CCDC120: variants seen among roughly 807,000 people sequenced by gnomAD.
The protein encoded by CCDC120 is coiled-coil domain containing 120, also known as coiled-coil domain-containing protein 120.
Under a neutral mutation model 37.6 loss-of-function variants are expected in CCDC120, and 16 were observed. The ratio of observed to expected loss-of-function variants is 0.43; its 90% CI spans 0.29 to 0.65. CCDC120 has a LOEUF of 0.65. Among genes scored for constraint, CCDC120 ranks in the 30% least tolerant of loss-of-function variants. The pLI, the probability that CCDC120 is intolerant of heterozygous loss-of-function variation, is 0.18. For synonymous variants in CCDC120, 309 were observed against 275.4 expected (o/e 1.12, Z -1.21); for missense variants, 650 against 657.4 (o/e 0.99, Z 0.12).
In CCDC120 at chrX:49,062,556, G is replaced by A; in HGVS notation, c.243G>A (p.Leu81=). The change falls in exon 4 of 11, where the codon CTG becomes CTA. Residue 81 remains leucine, a synonymous_variant. Coordinates refer to ENST00000603986, the MANE Select transcript of CCDC120 (RefSeq NM_001163321.4). ...GGCAGCGGACCCTGCAGGAGGCCCT[G>A]AGCCTGAAACTTCAGGAGCTCCGCA... The part of the protein sequence containing the change: ...LDRQRTLQEA[L]SLKLQELRKV... 8.3e-7 allele frequency: 1 copy of A among 1,210,900 alleles called. No homozygotes were observed. The highest frequency in any genetic ancestry group is 1.1e-6 in the Non-Finnish European group (1 of 895,227).
At chrX:49,056,222 A>G (rs1299014786), upstream of CCDC120, among the ~76,000 whole-genome samples, 1 of 111,633 alleles carries the variant, frequency 9.0e-6, no homozygotes, top group Non-Finnish European at 1.9e-5. Context: ...GAGAGGTTGG[A>G]TCATGAGGGA....
intron 6 of CCDC120, 148 bp from the exon 7 acceptor site, chrX:49,064,888 C>A: frequency 1.4e-6 from 1 of 698,657 alleles, no homozygotes; most frequent in Non-Finnish European, 2.1e-6. Context: ...GTCTTGGGCT[C>A]TGGTAAAAGC....
In CCDC120 at chrX:49,062,021, C is replaced by T; in HGVS notation, c.-21C>T. 8.7e-7 allele frequency: 1 copy of T among 1,155,963 alleles called. No homozygotes were observed. The highest frequency in any genetic ancestry group is 1.1e-6 in the Non-Finnish European group (1 of 872,646). On this transcript the variant is annotated 5_prime_UTR_variant, in exon 2 of 11. Coordinates refer to ENST00000603986, the MANE Select transcript of CCDC120 (RefSeq NM_001163321.4). Reference sequence around the variant, plus strand: ...GGCGTTGTAAGTCCGCCCAGCTCCCCACTTGCTGTGCTCTCACTCAATGCG... The same window carrying T: ...GGCGTTGTAAGTCCGCCCAGCTCCCTACTTGCTGTGCTCTCACTCAATGCG...
chrX:49,055,877 G>A (rs1264239371), upstream of CCDC120, among the ~76,000 whole-genome samples: 2 of 112,117 alleles, frequency 1.8e-5, no homozygotes, highest in Non-Finnish European at 3.8e-5. Context: ...TTCAGACAGT[G>A]AAACCTACCA....
intron 9 of CCDC120, chrX:49,066,795 G>A (rs2064958248): frequency 1.5e-5 from 2 of 133,303 alleles, no homozygotes; most frequent in South Asian, 8.0e-4. Flanking sequence ...TAAGGCCTAG[G>A]ACTTAATCCT....
chrX:49,057,892 GA>G (rs1557078648), upstream of CCDC120, among the ~76,000 whole-genome samples: 4 of 111,484 alleles, frequency 3.6e-5, no homozygotes, highest in African/African-American at 1.3e-4. Flanking sequence ...TGGGCGGGGT[GA>G]GGGGAGGCAG....
chrX:49,067,602 C>A lies in CCDC120; in HGVS notation c.1488C>A (p.Gly496=). ...TGCCCCGCAGTGGCGGTGGAACAGG[C>A]TGGGGGGAGCTGCCGCCTGCAGCTG... The part of the protein sequence containing the change: ...RGLPRSGGGT[G]WGELPPAAEV... The change falls in exon 10 of 11, where the codon GGC becomes GGA. Residue 496 remains glycine, a synonymous_variant. Coordinates refer to ENST00000603986, the MANE Select transcript of CCDC120 (RefSeq NM_001163321.4). The A allele has an allele frequency of 8.4e-7, 1 of 1,183,726 alleles. No homozygotes were observed. Among genetic ancestry groups the A allele is most frequent in the African/African-American group, 1.7e-5 (1 of 57,455 alleles).
Position 49,065,086 on chromosome X carries a change from A to C in CCDC120, c.775A>C (p.Ser259Arg). 1.7e-6 allele frequency: 2 copies of C among 1,211,406 alleles called. No homozygotes were observed. Among genetic ancestry groups the C allele is most frequent in the Non-Finnish European group, 2.2e-6 (2 of 895,191 alleles). The change falls in exon 7 of 11, where the codon AGC becomes CGC. Residue 259 changes from serine (S) to arginine (R), a missense_variant. This residue lies in a region of CCDC120 where 576 missense variants were observed against 565.3 expected (regional missense o/e 1.02). Transcript: ENST00000603986. ...CAGCTCCCTCTCAGAGTCTGGGGCC[A>C]GCCATGACAACGGTGAGGACTCCTA... ...ESSSLSESGASHDNEEPHGCF... is the reference protein window; with the variant it reads ...ESSSLSESGARHDNEEPHGCF...
At chrX:49,057,039 C>A (rs1264299702), upstream of CCDC120, among the ~76,000 whole-genome samples, 1 of 112,044 alleles carries the variant, frequency 8.9e-6, no homozygotes, top group Non-Finnish European at 1.9e-5. Context: ...ATCCCAGACT[C>A]ACCATTTACT....
Position 49,065,599 on chromosome X carries a change from C to T in CCDC120, c.933C>T (p.Ser311=), listed in dbSNP as rs782189013. The T allele has an allele frequency of 5.5e-5, 67 of 1,207,798 alleles. No individual in the cohort carries two copies. The highest frequency in any genetic ancestry group is 6.7e-5 in the Non-Finnish European group (60 of 894,361). Residue 311 remains serine, a synonymous_variant, in exon 8 of 11, where the codon AGC becomes AGT. Transcript: ENST00000603986. ...CAGATCTTTATGGGGATCTGAAGAGCCGGCGGAACTCTGTGGCCAGCCCCA... is the reference window on the plus strand; with the variant it reads ...CAGATCTTTATGGGGATCTGAAGAGTCGGCGGAACTCTGTGGCCAGCCCCA... The part of the protein sequence containing the change: ...PPSDLYGDLK[S]RRNSVASPTS...
At chrX:49,061,868 A>G (rs1166888861) in intron 1 of CCDC120, 91 bp from the exon 2 acceptor site, 15 of 901,946 alleles carry the variant, frequency 1.7e-5, no homozygotes, top group Non-Finnish European at 2.1e-5. Context: ...GTGTGGCATC[A>G]TAGGTAACTG....
chrX:49,056,465 A>G (rs1602508955), upstream of CCDC120, among the ~76,000 whole-genome samples: 1 of 108,916 alleles, frequency 9.2e-6, no homozygotes. Flanking sequence ...CGTCTCTACT[A>G]AAAATACAAA....
At chrX:49,061,497 G>A (rs782067639) in intron 1 of CCDC120, among the ~76,000 whole-genome samples, 3 of 112,923 alleles carry the variant, frequency 2.7e-5, no homozygotes, top group East Asian at 5.5e-4. Flanking sequence ...TCCTGTCCTC[G>A]TCGATGTTCC....
chrX:49,057,778 G>A (rs1180587744), upstream of CCDC120, among the ~76,000 whole-genome samples: 1 of 112,231 alleles, frequency 8.9e-6, no homozygotes, highest in East Asian at 2.8e-4. Flanking sequence ...CTGGGTCACA[G>A]AGCAGATGGT....
At chrX:49,064,125 A>G (rs2064921488) in intron 5 of CCDC120, 124 bp downstream of exon 5, 3 of 956,444 alleles carry the variant, frequency 3.1e-6, no homozygotes, top group East Asian at 3.4e-5. Flanking sequence ...ATGAGAAGGA[A>G]AAGGGCTTCT....
chrX:49,065,829 G>T lies in CCDC120; in HGVS notation c.1045G>T (p.Gly349Cys), dbSNP rs1300847830. ...PATPVLTRGAGPQLCKPEGLH... is the reference protein window; with the variant it reads ...PATPVLTRGACPQLCKPEGLH... ...CACCCCTGTCCTCACCCGGGGCGCT[G>T]GCCCCCAGCTCTGCAAGTAAGGGGA... Residue 349 changes from glycine (G) to cysteine (C), a missense_variant, in exon 9 of 11, where the codon GGC becomes TGC. By Grantham distance (159) the Gly-to-Cys change is radical (BLOSUM62 -3). Transcript: ENST00000603986. 3 of 1,164,968 alleles carry T rather than the reference G, an allele frequency of 2.6e-6. No individual in the cohort carries two copies. Among genetic ancestry groups the T allele is most frequent in the Non-Finnish European group, 3.4e-6 (3 of 872,200 alleles).
chrX:49,068,345 C>T (rs41309611), intron 10 of CCDC120, 199 bp from the exon 11 acceptor site: 10 of 1,060,424 alleles, frequency 9.4e-6, no homozygotes, highest in Non-Finnish European at 1.2e-5. Context: ...AGCCAGGGTG[C>T]CGGGAGGAAG....
Position 49,067,185 on chromosome X carries a change from C to T in CCDC120, c.1071C>T (p.Gly357=). Residue 357 remains glycine, a synonymous_variant, in exon 10 of 11, where the codon GGC becomes GGT. Transcript: ENST00000603986. ...TCGCCTCTCACCCCAGACCTGAAGG[C>T]CTTCATTCTCGTCAGTGGTCCGGCA... is the stretch of plus-strand genomic sequence containing the variant. ...GAGPQLCKPE[G]LHSRQWSGSQ... is the part of the protein sequence containing the mutation. 8.3e-7 allele frequency: 1 copy of T among 1,210,069 alleles called. No homozygotes were observed. The highest frequency in any genetic ancestry group is 1.1e-6 in the Non-Finnish European group (1 of 894,462).
rs782069408 is a variant in CCDC120, at chrX:49,067,861, C to T, written c.1747C>T (p.Arg583Cys). 5 of 1,164,128 alleles carry T rather than the reference C, an allele frequency of 4.3e-6. No homozygotes were observed. In the East Asian group the frequency reaches 9.6e-5, roughly 22 times the overall value. The part of the protein sequence containing the change: ...PPTRIPSAGE[R>C]SGHKNLALEG... The stretch of plus-strand genomic sequence containing the variant: ...CACCCGTATCCCCTCGGCTGGTGAA[C>T]GCAGTGGCCACAAGAACCTGGCTCT... Residue 583 changes from arginine to cysteine, a missense_variant, in exon 10 of 11, where the codon CGC becomes TGC. Coordinates refer to ENST00000603986, the MANE Select transcript of CCDC120 (RefSeq NM_001163321.4).
Sources: gnomAD v4.1 joint callset for allele counts (sites outside exome capture counted in the v4.1 genomes callset) on GRCh38, gnomAD v4.1.1 for gene constraint, gnomAD v4.1.1 regional missense constraint, MANE v1.5 for transcripts, NCBI Gene and HGNC (gene_info 2026-07-23, HGNC 2026-07-21) for gene names.